PTPRD: variants seen among roughly 807,000 people sequenced by gnomAD.
PTPRD encodes the protein protein tyrosine phosphatase receptor type D.
A neutral mutation model predicts 214.5 loss-of-function variants in PTPRD; 34 were observed. That is an observed-to-expected ratio of 0.16 (90% confidence interval 0.12 to 0.21). The LOEUF (loss-of-function observed/expected upper bound fraction) is 0.21, where lower values mean the gene tolerates loss of function less well. Ranked by LOEUF, PTPRD falls within the 10% of genes least tolerant of loss-of-function variation. The pLI is 1.00. For missense variants in PTPRD, 2,545 were observed against 2,398.7 expected, an observed-to-expected ratio of 1.06 and a Z score of -1.27; for synonymous variants, 1,128 against 845.7, an observed-to-expected ratio of 1.33 and a Z score of -5.79.
chr9:8,653,880 C>T (rs2096860316), intron 12 of PTPRD, among the ~76,000 whole-genome samples: 1 of 152,202 alleles, frequency 6.6e-6, no homozygotes, highest in South Asian at 2.1e-4. Context: ...TCTTGATCCA[C>T]CTCTTCGCCA....
chr9:8,501,163 A>G, intron 23 of PTPRD, 104 bp from the exon 24 acceptor site: 1 of 816,992 alleles, frequency 1.2e-6, no homozygotes, highest in Non-Finnish European at 1.9e-6. Flanking sequence ...ATAAACGAAC[A>G]ATAAGGACAA....
chr9:9,518,303 T>C (rs2154251998), intron 8 of PTPRD, among the ~76,000 whole-genome samples: 1 of 152,188 alleles, frequency 6.6e-6, no homozygotes, highest in South Asian at 2.1e-4. Flanking sequence ...GAGTGAAGTG[T>C]TTCTTCCTAA....
chr9:10,271,748 G>A (rs1275708802), intron 3 of PTPRD, among the ~76,000 whole-genome samples: 3 of 151,664 alleles, frequency 2.0e-5, no homozygotes, highest in South Asian at 2.1e-4. Flanking sequence ...TCACCATGTT[G>A]GCCAGGCTGG....
At chr9:9,390,726 A>C (rs1008504311) in intron 9 of PTPRD, among the ~76,000 whole-genome samples, 1 of 152,212 alleles carries the variant, frequency 6.6e-6, no homozygotes, top group Non-Finnish European at 1.5e-5. Context: ...TAAGGAGGAC[A>C]GCAGGCACAG....
intron 5 of PTPRD, among the ~76,000 whole-genome samples, chr9:9,823,354 G>A (rs971340225): frequency 3.9e-5 from 6 of 152,060 alleles, no homozygotes; most frequent in South Asian, 2.1e-4. Flanking sequence ...GAGATGACAC[G>A]TACTTTTAAA....
At chr9:9,221,149 C>T (rs2099955729) in intron 9 of PTPRD, among the ~76,000 whole-genome samples, 2 of 152,052 alleles carry the variant, frequency 1.3e-5, no homozygotes, top group Non-Finnish European at 2.9e-5. Flanking sequence ...AAGAGATTGC[C>T]TCAACAATTT....
intron 11 of PTPRD, among the ~76,000 whole-genome samples, chr9:8,987,217 C>T (rs1285169734): frequency 1.3e-5 from 2 of 152,038 alleles, no homozygotes; most frequent in African/African-American, 2.4e-5. Flanking sequence ...TTTCTGCTGA[C>T]ATGTTTCACC....
chr9:9,964,035 C>G (rs902496017), intron 4 of PTPRD, among the ~76,000 whole-genome samples: 6 of 101,616 alleles, frequency 5.9e-5, no homozygotes, highest in Admixed American at 1.2e-4. Context: ...GAGACACAGA[C>G]AGAGCCAGAC....
At chr9:8,591,468 G>C (rs2094101800) in intron 14 of PTPRD, among the ~76,000 whole-genome samples, 1 of 152,104 alleles carries the variant, frequency 6.6e-6, no homozygotes, top group African/African-American at 2.4e-5. Flanking sequence ...ACTGATCCAA[G>C]GTGTTTTTTT....
chr9:8,536,574 T>G (rs1300021031), intron 14 of PTPRD, among the ~76,000 whole-genome samples: 3 of 152,092 alleles, frequency 2.0e-5, no homozygotes, highest in East Asian at 3.9e-4. Flanking sequence ...TGGAAGAGTG[T>G]GAAAAGGCTG....
chr9:8,596,916 T>C (rs564936281), intron 14 of PTPRD, among the ~76,000 whole-genome samples: 1 of 152,216 alleles, frequency 6.6e-6, no homozygotes, highest in African/African-American at 2.4e-5. Flanking sequence ...GCATACAATT[T>C]TTAGCTAAAT....
At chr9:10,263,756 G>C (rs540973216) in intron 3 of PTPRD, among the ~76,000 whole-genome samples, 7 of 152,220 alleles carry the variant, frequency 4.6e-5, no homozygotes, top group Admixed American at 4.6e-4. Flanking sequence ...ATAACAAGGA[G>C]CCCAATGTTA....
At chr9:9,815,349 T>C (rs1208293341) in intron 5 of PTPRD, among the ~76,000 whole-genome samples, 2 of 152,058 alleles carry the variant, frequency 1.3e-5, no homozygotes, top group Non-Finnish European at 2.9e-5. Context: ...TTAACTTACA[T>C]AGTACACAAA....
rs200142612 is a variant in PTPRD at position 8,948,406 on chromosome 9, AAT to A, written c.-104+70289_-104+70290del. Among the ~76,000 whole-genome samples the A allele has an allele frequency of 1.1e-3, 62 of 57,122 alleles. 6 individuals are homozygous for A. Among genetic ancestry groups the A allele is most frequent in the African/African-American group, 2.5e-3 (38 of 15,016 alleles). The allele number at this position is 57,122 out of a possible 152,430, so 37.5% of individuals were successfully genotyped here. On this transcript the variant is annotated intron_variant, in intron 11 of 45. Coordinates refer to ENST00000381196, the MANE Select transcript of PTPRD (RefSeq NM_002839.4). ...TTATTGGTATGTCCATTGGGTTTAA[AAT>A]ATATATATATATATATTTATATATA... is the stretch of plus-strand genomic sequence containing the variant.
intron 9 of PTPRD, among the ~76,000 whole-genome samples, chr9:9,315,222 T>C (rs2135683139): frequency 6.6e-6 from 1 of 152,090 alleles, no homozygotes; most frequent in Admixed American, 6.6e-5. Context: ...AATATATAAC[T>C]CCCAAAACTT....
rs1266130908 is a variant in PTPRD at position 10,403,227 on chromosome 9, A to AATATATATATATATATACAT, written c.-599-62211_-599-62210insATGTATATATATATATATAT. Among the ~76,000 whole-genome samples the AATATATATATATATATACAT allele has an allele frequency of 1.0e-4, 6 of 59,882 alleles. 1 individual carries two copies. The highest frequency in any genetic ancestry group is 2.1e-4 in the Non-Finnish European group (6 of 28,712). 39.3% of individuals were successfully genotyped at this position (59,882 alleles called of 152,430 possible). A position where few individuals can be genotyped will look rare whatever the true frequency, so the allele number is the denominator to read the frequency against. ...TTTCTGTTATTTGTGTGTGTGTGTA[A>AATATATATATATATATACAT]ATATATATATATATATATATATATA... is the stretch of plus-strand genomic sequence containing the variant. On this transcript the variant is annotated intron_variant, in intron 2 of 45. Transcript: ENST00000381196.
chr9:9,630,818 G>A (rs995962825), intron 7 of PTPRD, among the ~76,000 whole-genome samples: 2 of 151,972 alleles, frequency 1.3e-5, no homozygotes, highest in African/African-American at 4.8e-5. Context: ...TTTGGGTCAG[G>A]AATTAGATAG....
intron 8 of PTPRD, among the ~76,000 whole-genome samples, chr9:9,494,503 C>T (rs1182906868): frequency 6.6e-6 from 1 of 152,152 alleles, no homozygotes; most frequent in Non-Finnish European, 1.5e-5. Context: ...AGGCAAGAGC[C>T]TCCACCGGCA....
At chr9:9,393,164 T>C (rs1410523759) in intron 9 of PTPRD, among the ~76,000 whole-genome samples, 1 of 152,150 alleles carries the variant, frequency 6.6e-6, no homozygotes, top group Non-Finnish European at 1.5e-5. Flanking sequence ...AACCTGGTTT[T>C]AGCTGAACTG....
Sources: allele counts gnomAD v4.1 joint callset (sites outside exome capture counted in the v4.1 genomes callset), GRCh38; gene constraint gnomAD v4.1.1; transcripts MANE v1.5; gene names NCBI Gene and HGNC (gene_info 2026-07-23, HGNC 2026-07-21).